EP300: variants seen among roughly 807,000 people sequenced by gnomAD.
EP300 encodes the protein histone acetyltransferase p300.
Under a neutral mutation model 264.0 loss-of-function variants are expected in EP300, and 31 were observed. That is an observed-to-expected ratio of 0.12 (90% CI 0.09 to 0.16). The LOEUF (loss-of-function observed/expected upper bound fraction) is 0.16, where lower values mean the gene tolerates loss of function less well. Ranked by LOEUF, EP300 falls within the 10% of genes least tolerant of loss-of-function variation. EP300 has a pLI of 1.00. For synonymous variants in EP300, 1,340 were observed against 1,045.4 expected (o/e 1.28, Z -5.44); for missense variants, 2,766 against 3,052.9 (o/e 0.91, Z 2.21).
Position 41,168,584 on chromosome 22 carries a change from C to A in EP300, c.4010C>A (p.Pro1337Gln), listed in dbSNP as rs2145762918. 2 of 1,614,150 alleles carry A rather than the reference C, an allele frequency of 1.2e-6. No homozygotes were observed. The highest frequency in any genetic ancestry group is 1.7e-6 in the Non-Finnish European group (2 of 1,180,034). ...HASDKTVEVK[P>Q]GMKARFVDSG... ...TCTGACAAAACCGTGGAAGTAAAAC[C>A]AGGCATGAAAGCAAGGTATCTAGTC... is the stretch of plus-strand genomic sequence containing the variant. Residue 1337 changes from proline (P) to glutamine (Q), a missense_variant, in exon 24 of 31, where the codon CCA becomes CAA. Coordinates refer to ENST00000263253, the MANE Select transcript of EP300 (RefSeq NM_001429.4).
chr22:41,147,798 C>A, intron 11 of EP300, 39 bp from the exon 12 acceptor site: 1 of 1,290,570 alleles, frequency 7.7e-7, no homozygotes, highest in Non-Finnish European at 1.1e-6. Flanking sequence ...TTCAATTTCA[C>A]AAAGGCATTC....
At chr22:41,170,288 T>G in intron 26 of EP300, 118 bp from the exon 27 acceptor site, 1 of 927,700 alleles carries the variant, frequency 1.1e-6, no homozygotes, top group Non-Finnish European at 1.7e-6. Context: ...ATATATACAC[T>G]GTGTTATCTT....
At chr22:41,164,477 C>T (rs1035494758) in intron 22 of EP300, among the ~76,000 whole-genome samples, 1 of 152,022 alleles carries the variant, frequency 6.6e-6, no homozygotes, top group Non-Finnish European at 1.5e-5. Context: ...TTTGGGAGGC[C>T]GAGGCGGGCG....
Position 41,179,000 on chromosome 22 carries a change from TAACAA to T in EP300, c.*45_*49del, listed in dbSNP as rs745928756. ...TGGGAGCAAAAAAATTATTTTCTCT[TAACAA>T]GACTTTTTGTACTGAAAACAATTTT... On this transcript the variant is annotated 3_prime_UTR_variant, in exon 31 of 31. Transcript: ENST00000263253. The T allele has an allele frequency of 1.9e-6, 3 of 1,606,690 alleles. No individual in the cohort carries two copies. Among genetic ancestry groups the T allele is most frequent in the Non-Finnish European group, 2.5e-6 (3 of 1,177,688 alleles).
At chr22:41,149,545 G>A (rs2059031112) in intron 13 of EP300, among the ~76,000 whole-genome samples, 1 of 152,160 alleles carries the variant, frequency 6.6e-6, no homozygotes, top group African/African-American at 2.4e-5. Context: ...AGGCCATTCT[G>A]CTGAATGGTT....
At chr22:41,167,385 G>A (rs190197898) in intron 23 of EP300, among the ~76,000 whole-genome samples, 11 of 151,932 alleles carry the variant, frequency 7.2e-5, no homozygotes, top group Admixed American at 2.6e-4. Flanking sequence ...ATTTTATCAT[G>A]TAAGTAATTA....
chr22:41,159,216 A>G (rs2059094646), intron 19 of EP300: 3 of 152,334 alleles, frequency 2.0e-5, no homozygotes, highest in African/African-American at 7.2e-5. Flanking sequence ...TGGGGCTCTG[A>G]TACAATAATA....
chr22:41,098,247 G>A (rs1178002679), intron 1 of EP300, among the ~76,000 whole-genome samples: 1 of 152,058 alleles, frequency 6.6e-6, no homozygotes, highest in Non-Finnish European at 1.5e-5. Flanking sequence ...GGAAATTACT[G>A]CTCACTTTCC....
Position 41,130,102 on chromosome 22 carries a change from T to G in EP300, c.1282+99T>G, listed in dbSNP as rs576365954. ...TGATTATGTGAGGGACCTGTGGTGT[T>G]GTACTATGTTGAATAAATGTTTTTT... On this transcript the variant is annotated intron_variant, in intron 5 of 30. Transcript: ENST00000263253. 1.1e-4 allele frequency: 97 copies of G among 854,774 alleles called. No individual in the cohort carries two copies. The African/African-American group carries it at 1.5e-3, about 13-fold the overall frequency. The allele number at this position is 854,774 out of a possible 1,614,324, so 52.9% of individuals were successfully genotyped here.
At chr22:41,155,588 A>G (rs2059072621) in intron 17 of EP300, among the ~76,000 whole-genome samples, 1 of 152,008 alleles carries the variant, frequency 6.6e-6, no homozygotes, top group South Asian at 2.1e-4. Context: ...TTTCATTTTC[A>G]TCATCTGAAA....
chr22:41,166,523 T>G (rs2059135380), intron 22 of EP300, 76 bp from the exon 23 acceptor site: 1 of 1,217,836 alleles, frequency 8.2e-7, no homozygotes, highest in Admixed American at 1.8e-5. Flanking sequence ...GATTGTCTTT[T>G]GAATTTTAAC....
chr22:41,122,416 G>A (rs948071612), intron 2 of EP300, among the ~76,000 whole-genome samples: 1 of 151,736 alleles, frequency 6.6e-6, no homozygotes, highest in Non-Finnish European at 1.5e-5. Context: ...TCCATCCACC[G>A]CCACCTCTCA....
chr22:41,166,966 C>T (rs1043671912), intron 23 of EP300, among the ~76,000 whole-genome samples: 6 of 152,044 alleles, frequency 3.9e-5, no homozygotes, highest in Non-Finnish European at 8.8e-5. Context: ...AATGATTGGC[C>T]GGAATTGCCA....
intron 22 of EP300, among the ~76,000 whole-genome samples, chr22:41,165,531 C>T (rs1004731754): frequency 6.6e-6 from 1 of 152,042 alleles, no homozygotes; most frequent in Non-Finnish European, 1.5e-5. Flanking sequence ...TCAAGTGATT[C>T]TCCTGCCTCA....
rs201264432 is a variant in EP300, at chr22:41,125,864, A to T, written c.730A>T (p.Met244Leu). 5 of 1,613,948 alleles carry T rather than the reference A, an allele frequency of 3.1e-6. No individual in the cohort carries two copies. In the Admixed American group the frequency reaches 6.7e-5, roughly 22 times the overall value. ...TGLRGPQPLKMGMMNNPNPYG... is the reference protein window; with the variant it reads ...TGLRGPQPLKLGMMNNPNPYG... The stretch of plus-strand genomic sequence containing the variant: ...GTTTTCTTTTGTTTCTTACTCTTAG[A>T]TGGGAATGATGAACAACCCCAATCC... Residue 244 changes from methionine to leucine, a missense_variant and splice_region_variant, in exon 3 of 31, where the codon ATG becomes TTG. Coordinates refer to ENST00000263253, the MANE Select transcript of EP300 (RefSeq NM_001429.4).
Position 41,179,211 on chromosome 22 carries a change from AGT to A in EP300, c.*259_*260del. ...TCTTCCCCTTTGTGTGTGTGGTTCA[AGT>A]GTGCACTGGGAGGAGGCTGAGGCCT... On this transcript the variant is annotated 3_prime_UTR_variant, in exon 31 of 31. Transcript: ENST00000263253. 3.8e-6 allele frequency: 2 copies of A among 525,362 alleles called. No individual in the cohort carries two copies. The highest frequency in any genetic ancestry group is 1.9e-5 in the African/African-American group (1 of 52,850). The allele number at this position is 525,362 out of a possible 1,614,324, so 32.5% of individuals were successfully genotyped here.
chr22:41,100,439 T>C (rs1286284938), intron 1 of EP300, among the ~76,000 whole-genome samples: 1 of 152,146 alleles, frequency 6.6e-6, no homozygotes, highest in Non-Finnish European at 1.5e-5. Context: ...TGTTGTTTTC[T>C]AGGAGTATAA....
At position 41,179,622 on chromosome 22, in the gene EP300, TC is replaced by T. The variant is rs2059228693; in HGVS notation, c.*667del. ...ATTCTGTAAGTCTGAGCGTAAAACTTCAAGTATTAAAATAATTTGTACATGT... is the reference window on the plus strand; with the variant it reads ...ATTCTGTAAGTCTGAGCGTAAAACTTAAGTATTAAAATAATTTGTACATGT... On this transcript the variant is annotated 3_prime_UTR_variant, in exon 31 of 31. Transcript: ENST00000263253. 1 of 222,706 alleles carries T rather than the reference TC, an allele frequency of 4.5e-6. No individual in the cohort carries two copies. Among genetic ancestry groups the T allele is most frequent in the Non-Finnish European group, 8.9e-6 (1 of 111,772 alleles). 13.8% of individuals were successfully genotyped at this position (222,706 alleles called of 1,614,324 possible).
chr22:41,140,755 G>A lies in EP300; in HGVS notation c.1879-293G>A, dbSNP rs78392851. On this transcript the variant is annotated intron_variant, in intron 9 of 30. Coordinates refer to ENST00000263253, the MANE Select transcript of EP300 (RefSeq NM_001429.4). The stretch of plus-strand genomic sequence containing the variant: ...TCAAGCTGCAGTGATTCGGGATTGC[G>A]CTGCTGGTGACAGAGGGAGACCTTG... 1.4e-3 allele frequency among the ~76,000 whole-genome samples: 213 copies of A among 152,270 alleles called. 4 individuals carry two copies. The East Asian group carries it at 0.038, about 27-fold the overall frequency.
Sources: gnomAD v4.1 joint callset for allele counts (sites outside exome capture counted in the v4.1 genomes callset) on GRCh38, gnomAD v4.1.1 for gene constraint, MANE v1.5 for transcripts, NCBI Gene and HGNC (gene_info 2026-07-23, HGNC 2026-07-21) for gene names.